The following TBRG1 variants were observed in gnomAD, a reference collection of about 807,000 sequenced individuals.
TBRG1 encodes the protein transforming growth factor beta regulator 1.
A neutral mutation model predicts 44.0 loss-of-function variants in TBRG1; 31 were observed. The observed-to-expected ratio is 0.70, with a 90% confidence interval of 0.53 to 0.95. The LOEUF is 0.95. TBRG1 is among the 40% of genes least tolerant of loss of function. The pLI, the probability that TBRG1 is intolerant of heterozygous loss-of-function variation, is 0.00. For missense variants in TBRG1, 487 were observed against 496.1 expected (o/e 0.98, Z 0.18); for synonymous variants, 171 against 188.1 (o/e 0.91, Z 0.74).
In TBRG1 at chr11:124,633,866, AC is replaced by A. The variant is rs1942663490; in HGVS notation, c.*1631del. On this transcript the variant is annotated 3_prime_UTR_variant, in exon 9 of 9. Transcript: ENST00000441174. ...TTCCCACTATTACAGCCTGAGTAAT[AC>A]CCGTATTAAAAGAGCCTCATTTTAG... 6.6e-6 allele frequency: 1 copy of A among 152,224 alleles called. No individual in the cohort carries two copies. Among genetic ancestry groups the A allele is most frequent in the African/African-American group, 2.4e-5 (1 of 41,466 alleles). The allele number at this position is 152,224 out of a possible 1,614,324, so 9.4% of individuals were successfully genotyped here.
intron 5 of TBRG1, among the ~76,000 whole-genome samples, chr11:124,629,414 A>G (rs570321602): frequency 1.3e-5 from 2 of 152,242 alleles, no homozygotes; most frequent in Non-Finnish European, 2.9e-5. Context: ...AGAAATAAAT[A>G]TAAAACATTA....
rs368296807 is a variant in TBRG1 at position 124,626,961 on chromosome 11, T to C, written c.649T>C (p.Cys217Arg). 1.2e-6 allele frequency: 2 copies of C among 1,600,300 alleles called. No individual in the cohort carries two copies. Among genetic ancestry groups the C allele is most frequent in the East Asian group, 4.5e-5 (2 of 44,588 alleles). Reference protein sequence around the residue: ...DESAIYPVGYCSTRIYASMKC... With the variant: ...DESAIYPVGYRSTRIYASMKC... ...GAGTGCCATCTACCCCGTGGGCTAT[T>C]GCAGTACTCGAATATATGCCAGCAT... Residue 217 changes from cysteine to arginine, a missense_variant, in exon 5 of 9, where the codon TGC (cysteine) becomes CGC (arginine). Cys to Arg is a radical substitution (Grantham distance 180, BLOSUM62 -3). Coordinates refer to ENST00000441174, the MANE Select transcript of TBRG1 (RefSeq NM_032811.3).
chr11:124,625,214 C>A (rs1156405373), intron 2 of TBRG1, among the ~76,000 whole-genome samples: 2 of 152,192 alleles, frequency 1.3e-5, no homozygotes, highest in Non-Finnish European at 2.9e-5. Context: ...GATGAGACAG[C>A]TCCTCTACTC....
At position 124,623,018 on chromosome 11, in the gene TBRG1, C is replaced by G; in HGVS notation, c.-66C>G. 6.9e-7 allele frequency: 1 copy of G among 1,457,920 alleles called. No homozygotes were observed. Among genetic ancestry groups the G allele is most frequent in the Non-Finnish European group, 9.1e-7 (1 of 1,103,390 alleles). The allele number at this position is 1,457,920 out of a possible 1,614,324, so 90.3% of individuals were successfully genotyped here. On this transcript the variant is annotated 5_prime_UTR_variant, in exon 1 of 9. Transcript: ENST00000441174. ...CCGGAACAGACAAAGCCAGCGCTCC[C>G]GCCCGCTCCCCGACTTAGGATCCGA...
At position 124,622,882 on chromosome 11, in the gene TBRG1, G is replaced by C. The variant is rs1359921532; in HGVS notation, c.-202G>C. On this transcript the variant is annotated 5_prime_UTR_variant, in exon 1 of 9. Coordinates refer to ENST00000441174, the MANE Select transcript of TBRG1 (RefSeq NM_032811.3). ...AGGGCTTACTTCCAAGACAGACACG[G>C]AAGTGCTGGGAGGCGCCGGGAGCCC... is the stretch of plus-strand genomic sequence containing the variant. 3 of 570,776 alleles carry C rather than the reference G, an allele frequency of 5.3e-6. No individual in the cohort carries two copies. The highest frequency in any genetic ancestry group is 9.1e-6 in the Non-Finnish European group (3 of 328,330). 35.4% of individuals were successfully genotyped at this position (570,776 alleles called of 1,614,324 possible).
Position 124,632,334 on chromosome 11 carries a change from AAAG to A in TBRG1, c.*101_*103del, listed in dbSNP as rs1942634661. 1 of 1,072,052 alleles carries A rather than the reference AAAG, an allele frequency of 9.3e-7. No homozygotes were observed. The highest frequency in any genetic ancestry group is 1.4e-6 in the Non-Finnish European group (1 of 728,632). 66.4% of individuals were successfully genotyped at this position (1,072,052 alleles called of 1,614,324 possible). A position where few individuals can be genotyped will look rare whatever the true frequency, so the allele number is the denominator to read the frequency against. On this transcript the variant is annotated 3_prime_UTR_variant, in exon 9 of 9. Transcript: ENST00000441174. ...TGAAAGAAGGCAGCAATTCAGAAGT[AAAG>A]AAGATACTAACGTATTTCATCATGG...
At chr11:124,627,100 C>A in intron 5 of TBRG1, 50 bp downstream of exon 5, 1 of 1,234,086 alleles carries the variant, frequency 8.1e-7, no homozygotes, top group Non-Finnish European at 1.2e-6. Context: ...CTTCTCTGTG[C>A]TAGGATATGT....
chr11:124,625,730 C>A lies in TBRG1; in HGVS notation c.281C>A (p.Ala94Glu). 4 of 1,557,774 alleles carry A rather than the reference C, an allele frequency of 2.6e-6. No homozygotes were observed. The highest frequency in any genetic ancestry group is 3.5e-6 in the Non-Finnish European group (4 of 1,149,760). Residue 94 changes from alanine (A) to glutamate (E), a missense_variant, in exon 3 of 9, where the codon GCA becomes GAA. By Grantham distance (107) the Ala-to-Glu change is moderately radical. Coordinates refer to ENST00000441174, the MANE Select transcript of TBRG1 (RefSeq NM_032811.3). ...CTAACTGAAGGGGAAGTACAGGCTG[C>A]AGCTCCTTCCCACAGTTCCAGTTTG... ...QALTEGEVQA[A>E]APSHSSSLPL...
chr11:124,628,065 TTATATATATATATATATATATATA>T (rs71042445), intron 5 of TBRG1, among the ~76,000 whole-genome samples: 1,155 of 69,828 alleles, frequency 0.017, 36 homozygotes, highest in African/African-American at 0.039. Flanking sequence ...AGTAGCTGTT[TTATATATATATATATATATATATA>T]TATATATATA....
chr11:124,630,576 T>C (rs1942586643), intron 6 of TBRG1, 91 bp downstream of exon 6: 4 of 1,115,244 alleles, frequency 3.6e-6, no homozygotes, highest in Admixed American at 3.5e-5. Context: ...GGAGATACTT[T>C]ATTTTATAGA....
intron 2 of TBRG1, 27 bp downstream of exon 2, chr11:124,625,028 C>T: frequency 6.8e-7 from 1 of 1,477,800 alleles, no homozygotes; most frequent in African/African-American, 1.4e-5. Flanking sequence ...TTGTGTTCAG[C>T]ATCACCTTTT....
rs1355560581 is a variant in TBRG1, at chr11:124,625,855, A to G, written c.406A>G (p.Thr136Ala). 3.2e-6 allele frequency: 5 copies of G among 1,578,302 alleles called. No individual in the cohort carries two copies. Among genetic ancestry groups the G allele is most frequent in the Non-Finnish European group, 4.3e-6 (5 of 1,164,174 alleles). ...TGAEEPFGKK[T>A]KKEKKEKGKE... is the part of the protein sequence containing the mutation. ...GGCTGAGGAACCATTTGGGAAGAAA[A>G]CTAAGAAGGAGAAAAAAGAAAAAGG... The change falls in exon 3 of 9, where the codon ACT becomes GCT. Residue 136 changes from threonine (T) to alanine (A), a missense_variant. Thr to Ala is a moderately conservative substitution (Grantham distance 58). Transcript: ENST00000441174.
At chr11:124,630,169 G>T (rs891940287) in intron 5 of TBRG1, 1 of 473,214 alleles carries the variant, frequency 2.1e-6, no homozygotes, top group African/African-American at 2.0e-5. Flanking sequence ...TTGGAAAGCT[G>T]TCAACCAAGA....
At position 124,632,063 on chromosome 11, in the gene TBRG1, C is replaced by T. The variant is rs755020964; in HGVS notation, c.1091-30C>T. The T allele has an allele frequency of 4.2e-5, 68 of 1,610,982 alleles. No individual in the cohort carries two copies. The Middle Eastern group carries it at 2.0e-3, about 47-fold the overall frequency. On this transcript the variant is annotated intron_variant, in intron 8 of 8. Transcript: ENST00000441174. ...ACAGTCTGCCCAGACTCCCGAGCAG[C>T]AGTGGAACTTAAGGAATTGTTTTCT... is the stretch of plus-strand genomic sequence containing the variant.
In TBRG1 at chr11:124,631,256, A is replaced by T; in HGVS notation, c.948-19A>T. 5.2e-6 allele frequency: 8 copies of T among 1,547,554 alleles called. No homozygotes were observed. Among genetic ancestry groups the T allele is most frequent in the Non-Finnish European group, 7.0e-6 (8 of 1,149,940 alleles). On this transcript the variant is annotated intron_variant, in intron 7 of 8. Transcript: ENST00000441174. ...GTCTAGCAGATAACTCTCAAGGGTG[A>T]TTTCCCTTGATTCTGCAGTTACCAG...
chr11:124,628,580 T>C (rs1357300257), intron 5 of TBRG1, among the ~76,000 whole-genome samples: 1 of 144,370 alleles, frequency 6.9e-6, no homozygotes, highest in Non-Finnish European at 1.5e-5. Flanking sequence ...GATGGTAAAG[T>C]GTGGGCCTCA....
Position 124,632,334 on chromosome 11 carries a change from A to G in TBRG1, c.*96A>G. ...TGAAAGAAGGCAGCAATTCAGAAGT[A>G]AAGAAGATACTAACGTATTTCATCA... On this transcript the variant is annotated 3_prime_UTR_variant, in exon 9 of 9. Coordinates refer to ENST00000441174, the MANE Select transcript of TBRG1 (RefSeq NM_032811.3). 1.9e-6 allele frequency: 2 copies of G among 1,072,170 alleles called. No individual in the cohort carries two copies. Among genetic ancestry groups the G allele is most frequent in the Non-Finnish European group, 2.7e-6 (2 of 728,624 alleles). 66.4% of individuals were successfully genotyped at this position (1,072,170 alleles called of 1,614,324 possible).
chr11:124,626,234 T>A (rs1942464856), intron 3 of TBRG1, among the ~76,000 whole-genome samples: 1 of 152,176 alleles, frequency 6.6e-6, no homozygotes, highest in Non-Finnish European at 1.5e-5. Context: ...GCTTGGTAAA[T>A]TTCTGATCTT....
intron 5 of TBRG1, among the ~76,000 whole-genome samples, chr11:124,627,703 T>C (rs1458666842): frequency 1.3e-5 from 2 of 152,162 alleles, no homozygotes; most frequent in South Asian, 2.1e-4. Context: ...CTGAGACAGC[T>C]TGACTTCTTA....
Sources: gnomAD v4.1 joint callset for allele counts (sites outside exome capture counted in the v4.1 genomes callset) on GRCh38, gnomAD v4.1.1 for gene constraint, MANE v1.5 for transcripts, NCBI Gene and HGNC (gene_info 2026-07-23, HGNC 2026-07-21) for gene names.